The following IFT80 variants were observed in gnomAD, a reference collection of about 807,000 sequenced individuals.
IFT80 encodes the protein intraflagellar transport protein 80 homolog.
Under a neutral mutation model 107.9 loss-of-function variants are expected in IFT80, and 79 were observed. That is an observed-to-expected ratio of 0.73 (90% CI 0.61 to 0.88). IFT80 has a LOEUF of 0.88. Ranked by LOEUF, IFT80 falls within the 40% of genes least tolerant of loss-of-function variation. The pLI, the probability that IFT80 is intolerant of heterozygous loss-of-function variation, is 0.00. For synonymous variants in IFT80, 299 were observed against 300.9 expected (o/e 0.99, Z 0.07); for missense variants, 797 against 914.2 (o/e 0.87, Z 1.65).
At chr3:160,312,046 G>T (rs1717304863) in intron 9 of IFT80, among the ~76,000 whole-genome samples, 1 of 152,182 alleles carries the variant, frequency 6.6e-6, no homozygotes, top group Admixed American at 6.5e-5. Flanking sequence ...CTCCCAAAGT[G>T]CTGGGATTAC....
At chr3:160,267,581 A>G (rs1713442604) in intron 19 of IFT80, among the ~76,000 whole-genome samples, 1 of 152,226 alleles carries the variant, frequency 6.6e-6, no homozygotes, top group South Asian at 2.1e-4. Context: ...TCTTGGATCT[A>G]TATGGCTAGT....
chr3:160,381,475 G>T, intron 3 of IFT80, 28 bp downstream of exon 3: 1 of 1,489,500 alleles, frequency 6.7e-7, no homozygotes, highest in Non-Finnish European at 9.4e-7. Context: ...ATACAATGGC[G>T]AGCATATAAT....
chr3:160,267,653 T>G (rs2108208429), intron 19 of IFT80, among the ~76,000 whole-genome samples: 1 of 152,238 alleles, frequency 6.6e-6, no homozygotes, highest in African/African-American at 2.4e-5. Context: ...CTATAATCAG[T>G]TATGCTCTAG....
chr3:160,307,275 G>A (rs1272784553), intron 10 of IFT80, among the ~76,000 whole-genome samples: 1 of 152,128 alleles, frequency 6.6e-6, no homozygotes, highest in East Asian at 1.9e-4. Context: ...AGCCTCCTGA[G>A]AAGTTAGGAC....
intron 6 of IFT80, among the ~76,000 whole-genome samples, chr3:160,359,768 G>A (rs1054515579): frequency 6.6e-5 from 10 of 152,182 alleles, no homozygotes; most frequent in African/African-American, 2.4e-4. Context: ...GGTCCTGACT[G>A]TTAGAAGGAA....
rs115834558 is a variant in IFT80, at chr3:160,280,583, A to C, written c.1664+84T>G. 1.7e-3 allele frequency: 1,934 copies of C among 1,154,276 alleles called. 24 individuals carry two copies. The African/African-American group carries it at 0.027, about 16-fold the overall frequency. 71.5% of individuals were successfully genotyped at this position (1,154,276 alleles called of 1,614,324 possible). A position where few individuals can be genotyped will look rare whatever the true frequency, so the allele number is the denominator to read the frequency against. On this transcript the variant is annotated intron_variant, in intron 15 of 19. Transcript: ENST00000326448. ...CTGACTGATGTGTAAAACACCTTGC[A>C]GGATTGAAAATAGAAGCCAAAACAT...
chr3:160,288,974 T>C (rs1217972504), intron 12 of IFT80, among the ~76,000 whole-genome samples: 2 of 152,198 alleles, frequency 1.3e-5, no homozygotes, highest in Non-Finnish European at 2.9e-5. Flanking sequence ...CCCAAAGGAA[T>C]ATAAATCAGT....
intron 8 of IFT80, among the ~76,000 whole-genome samples, chr3:160,335,628 T>C (rs1719414499): frequency 2.0e-5 from 3 of 152,216 alleles, no homozygotes; most frequent in Non-Finnish European, 4.4e-5. Flanking sequence ...TTGCATTCTA[T>C]TTTTCCCTTA....
chr3:160,273,766 T>G (rs1481483963), intron 18 of IFT80, among the ~76,000 whole-genome samples: 1 of 152,102 alleles, frequency 6.6e-6, no homozygotes, highest in African/African-American at 2.4e-5. Flanking sequence ...CTTAAGTGTA[T>G]AGATAGTGTA....
intron 1 of IFT80, among the ~76,000 whole-genome samples, chr3:160,394,641 C>T (rs1031403675): frequency 6.6e-5 from 10 of 152,026 alleles, no homozygotes; most frequent in South Asian, 2.1e-4. Context: ...CCCAGCTACT[C>T]GGGAGGCTGA....
At chr3:160,370,375 ATT>A (rs200660321) in intron 5 of IFT80, among the ~76,000 whole-genome samples, 10 of 146,720 alleles carry the variant, frequency 6.8e-5, no homozygotes, top group African/African-American at 2.2e-4. Context: ...TAGCCATTTG[ATT>A]TTTTTTTTTT....
At chr3:160,337,254 G>A (rs1276234889) in intron 8 of IFT80, among the ~76,000 whole-genome samples, 6 of 152,174 alleles carry the variant, frequency 3.9e-5, no homozygotes, top group East Asian at 1.9e-4. Flanking sequence ...TTCTCTAGTC[G>A]ATTCCTCAAA....
chr3:160,260,505 T>C (rs976096711), intron 19 of IFT80, among the ~76,000 whole-genome samples: 4 of 152,224 alleles, frequency 2.6e-5, no homozygotes, highest in Admixed American at 6.5e-5. Flanking sequence ...TGCAAGTAAA[T>C]TGATGATATC....
intron 8 of IFT80, among the ~76,000 whole-genome samples, chr3:160,334,235 A>C (rs1162496040): frequency 6.6e-6 from 1 of 152,196 alleles, no homozygotes; most frequent in Non-Finnish European, 1.5e-5. Context: ...GCTTTCAGTG[A>C]TATATACTAA....
intron 8 of IFT80, among the ~76,000 whole-genome samples, chr3:160,336,989 A>G (rs1413933646): frequency 6.6e-6 from 1 of 152,196 alleles, no homozygotes; most frequent in Non-Finnish European, 1.5e-5. Context: ...CCTTTTCTCC[A>G]TATCTGATTT....
chr3:160,313,040 A>ATATAATAAATATATATTATATATAAAT (rs1489627739), intron 9 of IFT80, among the ~76,000 whole-genome samples: 15 of 91,316 alleles, frequency 1.6e-4, no homozygotes, highest in Non-Finnish European at 4.0e-5. Context: ...ATATAAATAT[A>ATATAATAAATATATATTATATATAAAT]TAATATATAA....
rs1441369175 is a variant in IFT80, at chr3:160,281,663, CA to C, written c.1516+814del. On this transcript the variant is annotated intron_variant, in intron 14 of 19. Transcript: ENST00000326448. ...GGTGAGTGGGCTCACACATGACTAA[CA>C]GGCAAAATGGTGGAGGAGTTTAACT... is the stretch of plus-strand genomic sequence containing the variant. Among the ~76,000 whole-genome samples the C allele has an allele frequency of 2.0e-5, 3 of 152,170 alleles. 1 individual carries two copies. The highest frequency in any genetic ancestry group is 1.9e-4 in the East Asian group (1 of 5,192).
At chr3:160,309,006 G>C (rs1329087187) in intron 9 of IFT80, among the ~76,000 whole-genome samples, 1 of 152,102 alleles carries the variant, frequency 6.6e-6, no homozygotes, top group Admixed American at 6.6e-5. Context: ...CCTTGATCTT[G>C]GACTCCCAGC....
At chr3:160,283,447 C>G (rs1343296028) in intron 13 of IFT80, among the ~76,000 whole-genome samples, 1 of 152,082 alleles carries the variant, frequency 6.6e-6, no homozygotes, top group East Asian at 1.9e-4. Flanking sequence ...TAAAGTAAAA[C>G]AAAACACACA....
Sources: gnomAD v4.1 joint callset for allele counts (sites outside exome capture counted in the v4.1 genomes callset) on GRCh38, gnomAD v4.1.1 for gene constraint, MANE v1.5 for transcripts, NCBI Gene and HGNC (gene_info 2026-07-23, HGNC 2026-07-21) for gene names.